The following MTTP variants were observed in gnomAD, a reference collection of about 807,000 sequenced individuals.
MTTP encodes microsomal triglyceride transfer protein, also known as microsomal triglyceride transfer protein large subunit.
Under a neutral mutation model 90.6 loss-of-function variants are expected in MTTP, and 49 were observed. The ratio of observed to expected loss-of-function variants is 0.54; its 90% CI spans 0.43 to 0.69. The LOEUF (loss-of-function observed/expected upper bound fraction) is 0.69, where lower values mean the gene tolerates loss of function less well. Among genes scored for constraint, MTTP ranks in the 30% least tolerant of loss-of-function variants. The probability of loss-of-function intolerance (pLI) is 0.00; values close to 1 mark genes in which losing one functional copy is unlikely to be tolerated. For synonymous variants in MTTP, 347 were observed against 384.2 expected, an observed-to-expected ratio of 0.90 and a Z score of 1.13; for missense variants, 945 against 1,067.5, an observed-to-expected ratio of 0.89 and a Z score of 1.60.
intron 1 of MTTP, among the ~76,000 whole-genome samples, chr4:99,569,230 A>C (rs957119981): frequency 6.6e-6 from 1 of 152,106 alleles, no homozygotes; most frequent in African/African-American, 2.4e-5. Flanking sequence ...CCTCAGTCAA[A>C]TCATGAGAAA....
At chr4:99,621,753 T>G (rs966120092) in intron 17 of MTTP, among the ~76,000 whole-genome samples, 1 of 152,228 alleles carries the variant, frequency 6.6e-6, no homozygotes, top group Non-Finnish European at 1.5e-5. Flanking sequence ...AAATAATGCT[T>G]TTGGTAAAAT....
chr4:99,589,273 G>A (rs1319102396), intron 3 of MTTP, among the ~76,000 whole-genome samples: 1 of 151,156 alleles, frequency 6.6e-6, no homozygotes, highest in African/African-American at 2.4e-5. Flanking sequence ...TTAAACCTTA[G>A]TTATTTTTTG....
chr4:99,583,895 C>A, intron 3 of MTTP: 1 of 365,218 alleles, frequency 2.7e-6, no homozygotes, highest in Non-Finnish European at 4.9e-6. Context: ...AATTATGAGA[C>A]TGAAATGATC....
Position 99,589,664 on chromosome 4 carries a change from C to CA in MTTP, c.419dup (p.Asn140LysfsTer2), listed in dbSNP as rs762901763. The CA allele has an allele frequency of 8.8e-5, 142 of 1,605,574 alleles. No individual in the cohort carries two copies. Among genetic ancestry groups the CA allele is most frequent in the Non-Finnish European group, 1.2e-4 (138 of 1,172,924 alleles). On this transcript the variant is annotated frameshift_variant, in exon 4 of 18. Transcript: ENST00000265517. LOFTEE classifies it high-confidence loss of function. ...CCAGGTCAAAGAGTTCTACTCATAT[C>CA]AAAATGAGGCAGTGGCCATAGAAAA...
In MTTP at chr4:99,611,429, G is replaced by T. The variant is rs776537883; in HGVS notation, c.1965G>T (p.Gly655=). The part of the protein sequence containing the change: ...RSNLNIFQYI[G]KAGLHGSQVV... ...ACCTGAACATCTTTCAGTACATTGG[G>T]AAGGCTGGTCTTCACGGTAGCCAGG... Residue 655 remains glycine (G), a synonymous_variant, in exon 14 of 18, where the codon GGG becomes GGT. Coordinates refer to ENST00000265517, the MANE Select transcript of MTTP (RefSeq NM_001386140.1). 1 of 1,614,090 alleles carries T rather than the reference G, an allele frequency of 6.2e-7. No homozygotes were observed. Among genetic ancestry groups the T allele is most frequent in the South Asian group, 1.1e-5 (1 of 91,080 alleles).
chr4:99,575,068 A>C, intron 1 of MTTP, 98 bp downstream of exon 1: 1 of 1,328,746 alleles, frequency 7.5e-7, no homozygotes, highest in Non-Finnish European at 1.1e-6. Flanking sequence ...GAATAGTGAA[A>C]GAGTTTCTGA....
intron 8 of MTTP, among the ~76,000 whole-genome samples, chr4:99,597,865 T>C (rs1023124986): frequency 6.6e-6 from 1 of 152,232 alleles, no homozygotes; most frequent in Non-Finnish European, 1.5e-5. Flanking sequence ...TAGTCTATCA[T>C]ACAGAATTTG....
At chr4:99,586,936 TC>T (rs773944882) in intron 3 of MTTP, among the ~76,000 whole-genome samples, 6 of 152,142 alleles carry the variant, frequency 3.9e-5, no homozygotes, top group Non-Finnish European at 7.4e-5. Context: ...TGTAACCAGG[TC>T]ATACCTGCTG....
chr4:99,600,817 G>C, intron 9 of MTTP, 84 bp downstream of exon 9: 1 of 1,355,326 alleles, frequency 7.4e-7, no homozygotes, highest in Non-Finnish European at 1.0e-6. Flanking sequence ...TCTTAGATCT[G>C]AATGAAGGCT....
intron 8 of MTTP, among the ~76,000 whole-genome samples, chr4:99,598,563 A>G (rs4311319): frequency 6.8e-6 from 1 of 147,710 alleles, no homozygotes; most frequent in South Asian, 2.3e-4. Context: ...CATGTAGTGT[A>G]GTGTAATAGA....
intron 2 of MTTP, among the ~76,000 whole-genome samples, chr4:99,583,082 T>C (rs1725167473): frequency 6.6e-6 from 1 of 152,094 alleles, no homozygotes; most frequent in Non-Finnish European, 1.5e-5. Context: ...AAAAAACAAA[T>C]GAAGAGTGGC....
chr4:99,565,956 A>G (rs962457790), intron 1 of MTTP, among the ~76,000 whole-genome samples: 6 of 152,210 alleles, frequency 3.9e-5, no homozygotes, highest in Non-Finnish European at 8.8e-5. Flanking sequence ...GTAGGAATGC[A>G]GTAACATTAA....
chr4:99,601,015 G>A (rs913684418), intron 9 of MTTP, among the ~76,000 whole-genome samples: 3 of 152,014 alleles, frequency 2.0e-5, no homozygotes, highest in Admixed American at 2.0e-4. Context: ...AATTTCAGAG[G>A]GGAGAAATCT....
chr4:99,566,363 T>C (rs1372876720), intron 1 of MTTP, among the ~76,000 whole-genome samples: 1 of 151,774 alleles, frequency 6.6e-6, no homozygotes, highest in African/African-American at 2.4e-5. Context: ...ATGTGCATTC[T>C]GGGGAGTCTG....
intron 17 of MTTP, 21 bp from the exon 18 acceptor site, chr4:99,622,656 A>G (rs1560628573): frequency 1.8e-5 from 29 of 1,612,956 alleles, no homozygotes; most frequent in Middle Eastern, 3.3e-4. Context: ...TAATTCTGTT[A>G]TTGTTGCTGT....
chr4:99,606,211 G>T (rs996558552), intron 10 of MTTP, among the ~76,000 whole-genome samples: 32 of 152,132 alleles, frequency 2.1e-4, no homozygotes, highest in South Asian at 8.3e-4. Context: ...ACCTAGTAAA[G>T]TACCTACCAC....
rs537107111 is a variant in MTTP, at chr4:99,579,607, C to T, written c.62-2298C>T. 3.3e-5 allele frequency among the ~76,000 whole-genome samples: 5 copies of T among 152,228 alleles called. No individual in the cohort carries two copies. The South Asian group carries it at 1.0e-3, about 32-fold the overall frequency. On this transcript the variant is annotated intron_variant, in intron 1 of 17. Coordinates refer to ENST00000265517, the MANE Select transcript of MTTP (RefSeq NM_001386140.1). ...CCTGCTTCAGTTTTCTTTATGAGCA[C>T]TTCTATCATACTATATAACTTGCTT...
At position 99,622,872 on chromosome 4, in the gene MTTP, G is replaced by A. The variant is rs759720010; in HGVS notation, c.*24G>A. The A allele has an allele frequency of 1.0e-4, 162 of 1,611,136 alleles. No individual in the cohort carries two copies. Among genetic ancestry groups the A allele is most frequent in the Non-Finnish European group, 1.3e-4 (152 of 1,177,474 alleles). The stretch of plus-strand genomic sequence containing the variant: ...GAAACTGACCTGTGATATTTTACTT[G>A]AATTTGTCTCCCCGAAAGGGACACA... On this transcript the variant is annotated 3_prime_UTR_variant, in exon 18 of 18. Transcript: ENST00000265517.
At chr4:99,615,675 G>A (rs112205302) in intron 15 of MTTP, among the ~76,000 whole-genome samples, 3,539 of 152,342 alleles carry the variant, frequency 0.023, 108 homozygotes, top group Middle Eastern at 0.1. Flanking sequence ...CACCAGGGCA[G>A]ATGGAATTAC....
Sources: gnomAD v4.1 joint callset for allele counts (sites outside exome capture counted in the v4.1 genomes callset) on GRCh38, gnomAD v4.1.1 for gene constraint, MANE v1.5 for transcripts, NCBI Gene and HGNC (gene_info 2026-07-23, HGNC 2026-07-21) for gene names.